Variants in KAZN observed in about 807,000 individuals in gnomAD.
KAZN encodes kazrin.
KAZN carries 40 observed loss-of-function variants against 87.4 expected under a neutral mutation model. The observed-to-expected ratio is 0.46, with a 90% CI of 0.36 to 0.60. KAZN has a LOEUF of 0.60. Among genes scored for constraint, KAZN ranks in the 20% least tolerant of loss-of-function variants. KAZN has a pLI of 0.00. For synonymous variants in KAZN, 466 were observed against 458.3 expected, an observed-to-expected ratio of 1.02 and a Z score of -0.22; for missense variants, 898 against 1,073.9, an observed-to-expected ratio of 0.84 and a Z score of 2.29.
chr1:14,720,560 G>A (rs1003627184), intron 1 of KAZN, among the ~76,000 whole-genome samples: 7 of 152,140 alleles, frequency 4.6e-5, no homozygotes, highest in East Asian at 3.9e-4. Context: ...ATCTTCTGTC[G>A]CTGACCTTTC....
At chr1:14,419,298 A>G (rs1205801862) in intron 2 of KAZN, among the ~76,000 whole-genome samples, 1 of 152,188 alleles carries the variant, frequency 6.6e-6, no homozygotes, top group African/African-American at 2.4e-5. Context: ...GCGCAAAAGA[A>G]AGAAAGGCCG....
At chr1:14,779,113 G>A (rs1162230708) in intron 1 of KAZN, among the ~76,000 whole-genome samples, 1 of 152,138 alleles carries the variant, frequency 6.6e-6, no homozygotes, top group South Asian at 2.1e-4. Flanking sequence ...CACTTTCTCT[G>A]TGTTCCGCGA....
At chr1:14,931,819 G>A (rs968221624) in intron 1 of KAZN, among the ~76,000 whole-genome samples, 6 of 152,174 alleles carry the variant, frequency 3.9e-5, no homozygotes, top group Non-Finnish European at 8.8e-5. Flanking sequence ...ATCAGGGCAC[G>A]CTAGCACCTT....
At chr1:13,970,397 C>A (rs1246422998) in intron 1 of KAZN, among the ~76,000 whole-genome samples, 1 of 152,156 alleles carries the variant, frequency 6.6e-6, no homozygotes, top group Admixed American at 6.5e-5. Context: ...TTATTATTCT[C>A]ATTTTACAGG....
At chr1:14,674,480 C>A (rs1282138361) in intron 1 of KAZN, among the ~76,000 whole-genome samples, 1 of 152,200 alleles carries the variant, frequency 6.6e-6, no homozygotes, top group Non-Finnish European at 1.5e-5. Flanking sequence ...ACACACCTCC[C>A]CTGTAATACT....
chr1:14,860,484 C>T (rs1650710516), intron 1 of KAZN, among the ~76,000 whole-genome samples: 1 of 152,138 alleles, frequency 6.6e-6, no homozygotes, highest in Non-Finnish European at 1.5e-5. Flanking sequence ...CATGAGCCAC[C>T]ACGCCCGGAC....
intron 2 of KAZN, among the ~76,000 whole-genome samples, chr1:14,259,380 G>T (rs1221496239): frequency 1.3e-5 from 2 of 152,078 alleles, no homozygotes; most frequent in African/African-American, 4.8e-5. Flanking sequence ...CTGCTGTGCC[G>T]AGCTGGGACG....
Position 14,688,654 on chromosome 1 carries a change from G to A in KAZN, c.226+89431G>A, listed in dbSNP as rs574282751. On this transcript the variant is annotated intron_variant, in intron 1 of 14. Coordinates refer to ENST00000376030, the MANE Select transcript of KAZN (RefSeq NM_201628.3). Reference sequence around the variant, plus strand: ...TCTTTAATTCTGTTTCTTCTCAAGGGAGAAGTCTTAGCAAAAGAAGAAAGC... The same window carrying A: ...TCTTTAATTCTGTTTCTTCTCAAGGAAGAAGTCTTAGCAAAAGAAGAAAGC... Among the ~76,000 whole-genome samples the A allele has an allele frequency of 3.3e-5, 5 of 152,352 alleles. No individual in the cohort carries two copies. In the South Asian group the frequency reaches 6.2e-4, roughly 19 times the overall value.
At chr1:14,361,093 C>A (rs1053703345) in intron 2 of KAZN, among the ~76,000 whole-genome samples, 5 of 152,194 alleles carry the variant, frequency 3.3e-5, no homozygotes, top group African/African-American at 1.2e-4. Context: ...TCTATAGGCC[C>A]GACTGGGGCT....
intron 1 of KAZN, among the ~76,000 whole-genome samples, chr1:14,064,803 G>T (rs1408789225): frequency 4.6e-5 from 7 of 152,180 alleles, no homozygotes; most frequent in Non-Finnish European, 1.5e-5. Context: ...CCGCTGCTCG[G>T]TGGTGGAGTT....
At chr1:14,958,675 G>A (rs543413499) in intron 1 of KAZN, among the ~76,000 whole-genome samples, 1 of 152,294 alleles carries the variant, frequency 6.6e-6, no homozygotes, top group East Asian at 1.9e-4. Flanking sequence ...CATGACCCTC[G>A]GGGGCGAGGA....
intron 2 of KAZN, among the ~76,000 whole-genome samples, chr1:14,276,160 GGT>G (rs5772575): frequency 0.018 from 2,399 of 135,706 alleles, 40 homozygotes; most frequent in East Asian, 0.037. Flanking sequence ...TCGCTATAAG[GGT>G]GTGTGTGTGT....
chr1:14,598,478 T>C (rs1172561680), upstream of KAZN, among the ~76,000 whole-genome samples: 1 of 151,968 alleles, frequency 6.6e-6, no homozygotes, highest in Admixed American at 6.5e-5. The surrounding 1 kb of genome is among the most constrained non-coding windows in gnomAD (Gnocchi z 4.2). Context: ...CCGGCCTCGG[T>C]CCAGGCGACC....
chr1:14,407,478 G>A (rs539881460), intron 2 of KAZN, among the ~76,000 whole-genome samples: 5 of 152,288 alleles, frequency 3.3e-5, no homozygotes, highest in Non-Finnish European at 2.9e-5. Flanking sequence ...AAGTGTGATT[G>A]TAGCTCCAAA....
chr1:14,937,704 C>T (rs1331401065), intron 1 of KAZN, among the ~76,000 whole-genome samples: 3 of 152,240 alleles, frequency 2.0e-5, no homozygotes, highest in South Asian at 2.1e-4. Flanking sequence ...GAGCTGAGCA[C>T]GCTGAGGTCA....
intron 5 of KAZN, among the ~76,000 whole-genome samples, chr1:15,058,333 A>T (rs139236479): frequency 3.6e-4 from 55 of 152,364 alleles, no homozygotes; most frequent in Non-Finnish European, 5.3e-4. Flanking sequence ...CCAGATTGGA[A>T]TTGACTCCAA....
At chr1:13,981,714 T>TCCAGCGTATGAATGAAAGAGAGGTCA (rs1187200544) in intron 1 of KAZN, among the ~76,000 whole-genome samples, 4 of 152,200 alleles carry the variant, frequency 2.6e-5, no homozygotes, top group African/African-American at 9.6e-5. Context: ...AACTTTCACC[T>TCCAGCGTATGAATGAAAGAGAGGTCA]CCAGCGTATG....
At chr1:15,080,159 C>T (rs1196759349) in intron 8 of KAZN, among the ~76,000 whole-genome samples, 3 of 152,138 alleles carry the variant, frequency 2.0e-5, no homozygotes, top group Non-Finnish European at 4.4e-5. Flanking sequence ...AGAAGGGTGG[C>T]TGGTCATGGG....
At chr1:13,984,699 CTG>C (rs1638925305) in intron 1 of KAZN, among the ~76,000 whole-genome samples, 1 of 152,138 alleles carries the variant, frequency 6.6e-6, no homozygotes, top group African/African-American at 2.4e-5. Context: ...TAGGTAGAGA[CTG>C]AGTTTGTCTT....
Sources: allele counts gnomAD v4.1 joint callset (sites outside exome capture counted in the v4.1 genomes callset), GRCh38; gene constraint gnomAD v4.1.1; non-coding constraint Gnocchi (gnomAD v3.1); transcripts MANE v1.5; gene names NCBI Gene and HGNC (gene_info 2026-07-23, HGNC 2026-07-21).